The following SOX5 variants were observed in gnomAD, a reference collection of about 807,000 sequenced individuals.
SOX5 encodes the protein SRY-box transcription factor 5, also known as transcription factor SOX-5.
SOX5 carries 9 observed loss-of-function variants against 92.0 expected under a neutral mutation model. That is an observed-to-expected ratio of 0.10 (90% CI 0.06 to 0.17). The LOEUF (loss-of-function observed/expected upper bound fraction) is 0.17, where lower values mean the gene tolerates loss of function less well. Ranked by LOEUF, SOX5 falls within the 10% of genes least tolerant of loss-of-function variation. SOX5 has a pLI of 1.00. For synonymous variants in SOX5, 344 were observed against 336.3 expected (o/e 1.02, Z -0.25); for missense variants, 642 against 944.5 (o/e 0.68, Z 4.20).
intron 4 of SOX5, among the ~76,000 whole-genome samples, chr12:24,068,708 A>G (rs988324758): frequency 0.25 from 12,015 of 47,992 alleles, 867 homozygotes; most frequent in African/African-American, 0.36. Context: ...GTGTGTGTAT[A>G]TATATATATA....
chr12:23,640,606 G>A lies in SOX5; in HGVS notation c.1017+206C>T, dbSNP rs530216365. On this transcript the variant is annotated intron_variant, in intron 8 of 14. Coordinates refer to ENST00000451604, the MANE Select transcript of SOX5 (RefSeq NM_006940.6). ...ATAATACCGGCAAGAAAAGAAATAC[G>A]ATAAGCTATGTTTAGTGCAGAAAAC... 5.9e-5 allele frequency among the ~76,000 whole-genome samples: 9 copies of A among 152,218 alleles called. 1 individual carries two copies. Among genetic ancestry groups the A allele is most frequent in the Middle Eastern group, 3.4e-3 (1 of 294 alleles).
intron 1 of SOX5, among the ~76,000 whole-genome samples, chr12:24,531,060 G>GT (rs1191984806): frequency 6.6e-6 from 1 of 152,080 alleles, no homozygotes; most frequent in African/African-American, 2.4e-5. Context: ...ATTTCTTACT[G>GT]TTTATCCGTG....
chr12:24,097,453 T>A (rs1945562564), intron 4 of SOX5, among the ~76,000 whole-genome samples: 1 of 152,070 alleles, frequency 6.6e-6, no homozygotes, highest in Non-Finnish European at 1.5e-5. Flanking sequence ...TTCAAGGTCA[T>A]GAACATTTAC....
At chr12:23,975,340 CT>C (rs201736273) in intron 4 of SOX5, among the ~76,000 whole-genome samples, 10 of 150,826 alleles carry the variant, frequency 6.6e-5, no homozygotes, top group African/African-American at 1.7e-4. Context: ...ATATGATATA[CT>C]TTTTTTAAAA....
At chr12:23,905,584 A>C (rs1299844362) in intron 1 of SOX5, among the ~76,000 whole-genome samples, 1 of 152,210 alleles carries the variant, frequency 6.6e-6, no homozygotes, top group African/African-American at 2.4e-5. Flanking sequence ...TAAATAAAAC[A>C]GAAGAAAAAA....
chr12:24,184,110 A>T (rs1955789535), intron 4 of SOX5, among the ~76,000 whole-genome samples: 1 of 152,182 alleles, frequency 6.6e-6, no homozygotes, highest in South Asian at 2.1e-4. Context: ...TTTTAACAAT[A>T]AGATGAAAAA....
chr12:23,815,441 C>T (rs1210788634), intron 3 of SOX5, among the ~76,000 whole-genome samples: 4 of 152,150 alleles, frequency 2.6e-5, no homozygotes, highest in Non-Finnish European at 5.9e-5. Context: ...ACCTAATCAA[C>T]ACCAATAATA....
rs7958219 is a variant in SOX5 at position 24,250,826 on chromosome 12, C to G, written c.-77+26390G>C. Among the ~76,000 whole-genome samples the G allele has an allele frequency of 2.0e-3, 310 of 152,232 alleles. 2 individuals are homozygous for G. Among genetic ancestry groups the G allele is most frequent in the African/African-American group, 6.8e-3 (281 of 41,528 alleles). ...GTTAAAATTAAACGCCCTACCTTCCCCATGGGCTTTCCCAACAACTCTAAT... is the reference window on the plus strand; with the variant it reads ...GTTAAAATTAAACGCCCTACCTTCCGCATGGGCTTTCCCAACAACTCTAAT... On this transcript the variant is annotated intron_variant, in intron 3 of 4. Transcript: ENST00000446891.
At chr12:24,334,604 T>A (rs1595693437) in intron 2 of SOX5, among the ~76,000 whole-genome samples, 1 of 152,292 alleles carries the variant, frequency 6.6e-6, no homozygotes, top group East Asian at 1.9e-4. Context: ...ACCAAAAGCC[T>A]AAGGGGCAAT....
At chr12:23,705,824 G>A (rs944997495) in intron 6 of SOX5, among the ~76,000 whole-genome samples, 3 of 152,048 alleles carry the variant, frequency 2.0e-5, no homozygotes, top group Admixed American at 6.6e-5. Flanking sequence ...AGGAAGAAAG[G>A]AGCCAGAATG....
intron 4 of SOX5, among the ~76,000 whole-genome samples, chr12:23,999,835 A>G (rs1305025826): frequency 6.6e-6 from 1 of 151,956 alleles, no homozygotes; most frequent in East Asian, 1.9e-4. Context: ...AAATAATGAG[A>G]GAGTACTGTT....
At chr12:24,275,078 G>A (rs1205012067) in intron 3 of SOX5, among the ~76,000 whole-genome samples, 1 of 152,134 alleles carries the variant, frequency 6.6e-6, no homozygotes, top group East Asian at 1.9e-4. Context: ...GTGCTGGGCT[G>A]TTTCAACTCT....
chr12:24,296,818 T>TAAAAA (rs34459785), intron 2 of SOX5, among the ~76,000 whole-genome samples: 18 of 137,434 alleles, frequency 1.3e-4, no homozygotes, highest in African/African-American at 4.7e-4. Flanking sequence ...ACATTGTTCT[T>TAAAAA]AAAAAAAAAA....
intron 4 of SOX5, among the ~76,000 whole-genome samples, chr12:23,981,340 G>T (rs975268721): frequency 2.0e-5 from 3 of 152,098 alleles, no homozygotes; most frequent in African/African-American, 7.2e-5. Context: ...TCAATGAAAT[G>T]AAAAATAAGA....
chr12:24,355,589 A>G (rs1318318446), intron 2 of SOX5, among the ~76,000 whole-genome samples: 2 of 152,020 alleles, frequency 1.3e-5, no homozygotes, highest in Non-Finnish European at 2.9e-5. Flanking sequence ...ATGCCACGAT[A>G]CCTTTCCTTA....
chr12:24,265,143 T>G (rs950092473), intron 3 of SOX5, among the ~76,000 whole-genome samples: 1 of 152,116 alleles, frequency 6.6e-6, no homozygotes, highest in Admixed American at 6.5e-5. Flanking sequence ...TATATTGAAA[T>G]TTTCGAAAAA....
intron 4 of SOX5, among the ~76,000 whole-genome samples, chr12:24,113,236 G>A (rs949661259): frequency 8.8e-5 from 12 of 136,420 alleles, no homozygotes; most frequent in African/African-American, 3.2e-4. Flanking sequence ...TCAGATACTT[G>A]CAAATATATG....
At chr12:24,277,079 T>C (rs1196060022) in intron 3 of SOX5, 1 of 152,128 alleles carries the variant, frequency 6.6e-6, no homozygotes, top group African/African-American at 2.4e-5. Flanking sequence ...GACTATGTAC[T>C]ATACTTTTAT....
At chr12:23,710,921 A>T (rs1034969947) in intron 6 of SOX5, among the ~76,000 whole-genome samples, 1 of 152,132 alleles carries the variant, frequency 6.6e-6, no homozygotes, top group African/African-American at 2.4e-5. Flanking sequence ...TGACTTTTTA[A>T]TGATCACCAT....
Sources: gnomAD v4.1 joint callset for allele counts (sites outside exome capture counted in the v4.1 genomes callset) on GRCh38, gnomAD v4.1.1 for gene constraint, MANE v1.5 for transcripts, NCBI Gene and HGNC (gene_info 2026-07-23, HGNC 2026-07-21) for gene names.